Variants in TTC34 observed in about 807,000 individuals in gnomAD.
The protein encoded by TTC34 is tetratricopeptide repeat protein 34.
TTC34 carries 44 observed loss-of-function variants against 40.7 expected under a neutral mutation model. The ratio of observed to expected loss-of-function variants is 1.08; its 90% CI spans 0.85 to 1.39. TTC34 has a LOEUF of 1.39. TTC34 is among the 40% of genes most tolerant of loss of function. TTC34 has a pLI of 0.00. For missense variants in TTC34, 884 were observed against 838.0 expected (o/e 1.05, Z -0.68); for synonymous variants, 422 against 398.6 (o/e 1.06, Z -0.70).
intron 6 of TTC34, among the ~76,000 whole-genome samples, chr1:2,647,685 G>T (rs1200225251): frequency 3.3e-5 from 5 of 152,160 alleles, no homozygotes; most frequent in African/African-American, 9.7e-5. Context: ...GTCTCACTCT[G>T]TCGCCCAGGC....
intron 6 of TTC34, among the ~76,000 whole-genome samples, chr1:2,647,220 G>C (rs931338634): frequency 6.6e-6 from 1 of 151,894 alleles, no homozygotes; most frequent in Non-Finnish European, 1.5e-5. Context: ...GTGTATATTT[G>C]TCCCATTCAT....
At chr1:2,685,331 A>G (rs1640283450) in intron 6 of TTC34, among the ~76,000 whole-genome samples, 1 of 131,918 alleles carries the variant, frequency 7.6e-6, no homozygotes, top group Admixed American at 7.7e-5. Flanking sequence ...ACAAGCGAGC[A>G]TCTGACAGCC....
chr1:2,641,725 G>A, exon 9 of TTC34: 1 of 1,535,336 alleles, frequency 6.5e-7, no homozygotes, highest in Non-Finnish European at 8.7e-7. Flanking sequence ...GGAGCACATG[G>A]TCCAGGTCCC....
intron 2 of TTC34, among the ~76,000 whole-genome samples, chr1:2,792,033 T>A (rs11807501): frequency 0.19 from 20,223 of 106,744 alleles, 2,473 homozygotes; most frequent in East Asian, 0.44. Flanking sequence ...TTTTTTTTTT[T>A]AAAGACAGGG....
intron 6 of TTC34, among the ~76,000 whole-genome samples, chr1:2,686,023 TG>T (rs1315042066): frequency 9.2e-6 from 1 of 108,510 alleles, no homozygotes; most frequent in African/African-American, 4.4e-5. Context: ...TCTGACAGCC[TG>T]GAACAGCACC....
At chr1:2,681,192 G>A (rs374907972) in intron 6 of TTC34, among the ~76,000 whole-genome samples, 1 of 127,366 alleles carries the variant, frequency 7.9e-6, no homozygotes, top group Non-Finnish European at 1.7e-5. Context: ...GCCCACAGGC[G>A]AGCATCTGAA....
At chr1:2,681,956 G>A (rs111586330) in intron 6 of TTC34, among the ~76,000 whole-genome samples, 2 of 109,650 alleles carry the variant, frequency 1.8e-5, no homozygotes, top group African/African-American at 7.1e-5. Context: ...CCCAAGGCGA[G>A]CATCTGACGG....
intron 6 of TTC34, among the ~76,000 whole-genome samples, chr1:2,696,402 C>T (rs866823939): frequency 3.0e-3 from 153 of 50,836 alleles, no homozygotes; most frequent in Non-Finnish European, 4.1e-3. Flanking sequence ...CCTACACCCC[C>T]AGGGGAGCAT....
At chr1:2,782,948 C>A (rs1643508550) in intron 6 of TTC34, among the ~76,000 whole-genome samples, 1 of 152,182 alleles carries the variant, frequency 6.6e-6, no homozygotes, top group Admixed American at 6.5e-5. Flanking sequence ...CAGTTGCAAG[C>A]AAGGAATGCT....
chr1:2,695,563 G>T (rs1214204580), intron 6 of TTC34, among the ~76,000 whole-genome samples: 3 of 48,102 alleles, frequency 6.2e-5, no homozygotes, highest in African/African-American at 2.2e-4. Context: ...GCACCCCAGG[G>T]TGAGGATCAG....
chr1:2,688,031 GTAACAGCACC>G (rs1640445634), intron 6 of TTC34, among the ~76,000 whole-genome samples: 1 of 133,872 alleles, frequency 7.5e-6, no homozygotes, highest in Admixed American at 7.4e-5. Context: ...CTGACTGCAT[GTAACAGCACC>G]CACACCCCCA....
chr1:2,686,721 A>C (rs1640369788), intron 6 of TTC34, among the ~76,000 whole-genome samples: 1 of 144,000 alleles, frequency 6.9e-6, no homozygotes, highest in Non-Finnish European at 1.5e-5. Context: ...CAGCACACAC[A>C]CCCCCAGGCG....
rs558042486 is a variant in TTC34 at position 2,694,664 on chromosome 1, C to T, written c.2227-49101G>A. On this transcript the variant is annotated intron_variant, in intron 6 of 8. Transcript: ENST00000401095. ...GAGCATCTGACGGCCTGGAACAGCA[C>T]ACACACCGCCAGGTGACCATTGGAC... 2.3e-5 allele frequency among the ~76,000 whole-genome samples: 2 copies of T among 85,732 alleles called. 1 individual carries two copies. Among genetic ancestry groups the T allele is most frequent in the Non-Finnish European group, 5.8e-5 (2 of 34,508 alleles). 56.2% of individuals were successfully genotyped at this position (85,732 alleles called of 152,430 possible).
rs1460234499 is a variant in TTC34, at chr1:2,750,357, C to T, written c.2226+33252G>A. ...GAGCCTCTGACAGCCTTGAACAGCA[C>T]CCTGCACCCCGAGGTGAGCATCTGA... On this transcript the variant is annotated intron_variant, in intron 6 of 8. Transcript: ENST00000401095. Among the ~76,000 whole-genome samples, 5 of 83,128 alleles carry T rather than the reference C, an allele frequency of 6.0e-5. 2 individuals are homozygous for T. Among genetic ancestry groups the T allele is most frequent in the Non-Finnish European group, 1.1e-4 (5 of 44,598 alleles). 54.5% of individuals were successfully genotyped at this position (83,128 alleles called of 152,430 possible).
intron 6 of TTC34, among the ~76,000 whole-genome samples, chr1:2,760,970 G>T (rs1641669138): frequency 1.5e-5 from 1 of 66,758 alleles, no homozygotes. Context: ...ACACCCCCAG[G>T]TGAGCATCTG....
At chr1:2,661,795 C>CT (rs1452895287) in intron 6 of TTC34, among the ~76,000 whole-genome samples, 5 of 19,146 alleles carry the variant, frequency 2.6e-4, no homozygotes, top group Non-Finnish European at 4.7e-4. Context: ...AGCACCCACA[C>CT]CCCCAGGTGA....
At chr1:2,641,711 T>G (rs1379423221) in exon 9 of TTC34, 1 of 1,535,364 alleles carries the variant, frequency 6.5e-7, no homozygotes, top group Non-Finnish European at 8.7e-7. Flanking sequence ...CCCCAGCGCC[T>G]CCTGGAGCAC....
At chr1:2,644,725 C>T (rs928837418) in intron 7 of TTC34, among the ~76,000 whole-genome samples, 1 of 152,208 alleles carries the variant, frequency 6.6e-6, no homozygotes, top group Admixed American at 6.5e-5. Flanking sequence ...GGGCTGCTTT[C>T]TCTCCCGGGC....
chr1:2,700,372 A>G (rs1473532063), intron 6 of TTC34, among the ~76,000 whole-genome samples: 1 of 65,976 alleles, frequency 1.5e-5, no homozygotes. Flanking sequence ...AGCGCCCACA[A>G]CCCCAGGTGA....
Sources: allele counts gnomAD v4.1 joint callset (sites outside exome capture counted in the v4.1 genomes callset), GRCh38; gene constraint gnomAD v4.1.1; transcripts MANE v1.5; gene names NCBI Gene and HGNC (gene_info 2026-07-23, HGNC 2026-07-21).